The following BRAF variants were observed in gnomAD, a reference collection of about 807,000 sequenced individuals.
BRAF encodes the protein B-Raf proto-oncogene, serine/threonine kinase.
BRAF carries 16 observed loss-of-function variants against 104.6 expected under a neutral mutation model. The ratio of observed to expected loss-of-function variants is 0.15; its 90% CI spans 0.10 to 0.23. The LOEUF (loss-of-function observed/expected upper bound fraction) is 0.23, where lower values mean the gene tolerates loss of function less well. Among genes scored for constraint, BRAF ranks in the 10% least tolerant of loss-of-function variants. BRAF has a pLI of 1.00. For synonymous variants in BRAF, 310 were observed against 341.6 expected (o/e 0.91, Z 1.02); for missense variants, 541 against 937.3 (o/e 0.58, Z 5.52).
At chr7:140,728,097 G>A (rs1278380057) in intron 19 of BRAF, among the ~76,000 whole-genome samples, 2 of 152,168 alleles carry the variant, frequency 1.3e-5, no homozygotes, top group African/African-American at 4.8e-5. Flanking sequence ...CTGGATGATT[G>A]AATCCTCAGC....
chr7:140,761,875 C>T (rs1431379686), intron 14 of BRAF, among the ~76,000 whole-genome samples: 1 of 152,096 alleles, frequency 6.6e-6, no homozygotes, highest in Non-Finnish European at 1.5e-5. Context: ...ACAGGAGCAC[C>T]CAGATTCATA....
At chr7:140,815,032 T>C (rs1804718022) in intron 3 of BRAF, among the ~76,000 whole-genome samples, 1 of 151,840 alleles carries the variant, frequency 6.6e-6, no homozygotes, top group Admixed American at 6.6e-5. Context: ...GCACAGAATA[T>C]ACATGCCAAT....
chr7:140,747,202 G>T (rs1318420824), intron 17 of BRAF, among the ~76,000 whole-genome samples: 1 of 152,134 alleles, frequency 6.6e-6, no homozygotes, highest in African/African-American at 2.4e-5. Context: ...ACTATTTGAC[G>T]TAAGTAGACT....
At chr7:140,758,413 C>T (rs1156913650) in intron 14 of BRAF, 1 of 152,092 alleles carries the variant, frequency 6.6e-6, no homozygotes, top group East Asian at 1.9e-4. Context: ...AGTTATGCTC[C>T]ATAGTGGCCT....
intron 18 of BRAF, among the ~76,000 whole-genome samples, chr7:140,735,357 C>A (rs1796318213): frequency 1.3e-5 from 2 of 152,070 alleles, no homozygotes; most frequent in Non-Finnish European, 2.9e-5. Flanking sequence ...CAAATAGACC[C>A]CAATATATAA....
chr7:140,826,632 T>C (rs916268284), intron 3 of BRAF, among the ~76,000 whole-genome samples: 4 of 152,136 alleles, frequency 2.6e-5, no homozygotes, highest in African/African-American at 9.7e-5. Flanking sequence ...GTTACACATG[T>C]AAAAACTCTG....
chr7:140,838,745 T>C (rs934476157), intron 2 of BRAF, among the ~76,000 whole-genome samples: 12 of 152,120 alleles, frequency 7.9e-5, no homozygotes, highest in African/African-American at 2.9e-4. Flanking sequence ...GACAGCGCAA[T>C]AATTTTGGAA....
At chr7:140,802,279 T>C (rs1168921354) in intron 5 of BRAF, among the ~76,000 whole-genome samples, 1 of 150,154 alleles carries the variant, frequency 6.7e-6, no homozygotes, top group Non-Finnish European at 1.5e-5. Flanking sequence ...TAGGCTAATG[T>C]GTATGTTTGT....
Position 140,748,774 on chromosome 7 carries a change from GA to G in BRAF, c.2112+512del, listed in dbSNP as rs1797553764. ...TAAGGGACAGGGAATAGTTGCTTAG[GA>G]AGGAAAAGAAGTAAAAAATTACCCT... is the stretch of plus-strand genomic sequence containing the variant. On this transcript the variant is annotated intron_variant, in intron 17 of 19. Transcript: ENST00000644969. Among the ~76,000 whole-genome samples, 15 of 152,176 alleles carry G rather than the reference GA, an allele frequency of 9.9e-5. No homozygotes were observed. The South Asian group carries it at 3.1e-3, about 32-fold the overall frequency.
intron 3 of BRAF, among the ~76,000 whole-genome samples, chr7:140,817,709 A>G (rs1805020896): frequency 6.6e-6 from 1 of 152,232 alleles, no homozygotes; most frequent in African/African-American, 2.4e-5. Flanking sequence ...CAGTCTCTTC[A>G]AATGATACTC....
intron 1 of BRAF, among the ~76,000 whole-genome samples, chr7:140,872,617 G>A (rs1006427247): frequency 3.3e-5 from 5 of 152,182 alleles, no homozygotes; most frequent in Non-Finnish European, 5.9e-5. Flanking sequence ...CACTTTGGGA[G>A]GTTGAGGTGG....
In BRAF at chr7:140,924,741, G is replaced by T. The variant is rs899902477; in HGVS notation, c.-38C>A. 1.4e-6 allele frequency: 1 copy of T among 727,048 alleles called. No individual in the cohort carries two copies. Among genetic ancestry groups the T allele is most frequent in the Non-Finnish European group, 2.3e-6 (1 of 436,172 alleles). 45.0% of individuals were successfully genotyped at this position (727,048 alleles called of 1,614,324 possible). A position where few individuals can be genotyped will look rare whatever the true frequency, so the allele number is the denominator to read the frequency against. On this transcript the variant is annotated 5_prime_UTR_variant, in exon 1 of 20. Transcript: ENST00000644969. The surrounding 1 kb of genome is among the most constrained non-coding windows in gnomAD (Gnocchi z 4.2). ...AGCCGGGGCCCGAGCGGCCGCTGTC[G>T]GGCGGGGAGGGGGAAGGGAGGCGGA...
intron 14 of BRAF, among the ~76,000 whole-genome samples, chr7:140,759,124 G>A (rs1798450981): frequency 6.6e-6 from 1 of 152,150 alleles, no homozygotes; most frequent in Admixed American, 6.6e-5. Flanking sequence ...TTTACTTATT[G>A]GACACTGTGT....
chr7:140,721,858 G>C lies in BRAF; in HGVS notation c.*4636C>G. On this transcript the variant is annotated 3_prime_UTR_variant, in exon 20 of 20. Transcript: ENST00000644969. ...CACCCTGGCCCCCACAGCGCTTTGG[G>C]ACAGGATGACTAACGCAGTCCAGCT... 7.6e-7 allele frequency: 1 copy of C among 1,310,750 alleles called. No homozygotes were observed. 81.2% of individuals were successfully genotyped at this position (1,310,750 alleles called of 1,614,324 possible). A position where few individuals can be genotyped will look rare whatever the true frequency, so the allele number is the denominator to read the frequency against.
At chr7:140,875,988 C>G (rs566145870) in intron 1 of BRAF, among the ~76,000 whole-genome samples, 51 of 152,254 alleles carry the variant, frequency 3.3e-4, no homozygotes, top group African/African-American at 1.2e-3. Context: ...GGAAGGAAAC[C>G]TGGAAGAGTA....
rs1033856250 is a variant in BRAF, at chr7:140,834,853, C to T, written c.260G>A (p.Ser87Asn). The T allele has an allele frequency of 6.2e-7, 1 of 1,614,108 alleles. No individual in the cohort carries two copies. Among genetic ancestry groups the T allele is most frequent in the African/African-American group, 1.3e-5 (1 of 75,054 alleles). Residue 87 changes from serine to asparagine, a missense_variant, in exon 3 of 20, where the codon AGC becomes AAC. Physicochemically the swap from Ser to Asn is conservative, Grantham distance 46. This residue lies in a region of BRAF where 86 missense variants were observed against 133.9 expected (regional missense o/e 0.64). Coordinates refer to ENST00000644969, the MANE Select transcript of BRAF (RefSeq NM_001374258.1). ...TCTTTGTTGGAGTGCATCTAGCTTG[C>T]TGGTGTATTCTTCATAGGCCTATAA... ...IYLEAYEEYT[S>N]KLDALQQREQ...
intron 8 of BRAF, among the ~76,000 whole-genome samples, chr7:140,793,958 G>C (rs1326563030): frequency 1.3e-5 from 2 of 152,088 alleles, no homozygotes; most frequent in Admixed American, 6.5e-5. Flanking sequence ...ACCTCTTATA[G>C]CACAATCATA....
chr7:140,714,784 T>C (rs549445154), downstream of BRAF, among the ~76,000 whole-genome samples: 35 of 152,312 alleles, frequency 2.3e-4, no homozygotes, highest in Non-Finnish European at 4.6e-4. Context: ...AAGTGAGATT[T>C]ACTAAGTGCT....
At chr7:140,766,663 A>T (rs1481672157) in intron 14 of BRAF, among the ~76,000 whole-genome samples, 5 of 151,854 alleles carry the variant, frequency 3.3e-5, no homozygotes, top group African/African-American at 1.2e-4. Context: ...ACTCACTGCA[A>T]CCTCAGCCTC....
Sources: allele counts gnomAD v4.1 joint callset (sites outside exome capture counted in the v4.1 genomes callset), GRCh38; gene constraint gnomAD v4.1.1; regional missense constraint gnomAD v4.1.1; non-coding constraint Gnocchi (gnomAD v3.1); transcripts MANE v1.5; gene names NCBI Gene and HGNC (gene_info 2026-07-23, HGNC 2026-07-21).